MKLN1: variants seen among roughly 807,000 people sequenced by gnomAD.
MKLN1 encodes the protein muskelin 1.
MKLN1 carries 18 observed loss-of-function variants against 99.0 expected under a neutral mutation model. The ratio of observed to expected loss-of-function variants is 0.18; its 90% CI spans 0.13 to 0.27. The LOEUF is 0.27. MKLN1 is among the 10% of genes least tolerant of loss of function. The pLI is 1.00. For synonymous variants in MKLN1, 288 were observed against 293.2 expected (o/e 0.98, Z 0.18); for missense variants, 621 against 875.9 (o/e 0.71, Z 3.67).
At chr7:131,407,289 T>C (rs1398171051) in intron 6 of MKLN1, among the ~76,000 whole-genome samples, 1 of 152,068 alleles carries the variant, frequency 6.6e-6, no homozygotes, top group African/African-American at 2.4e-5. Context: ...ATATCTCTAA[T>C]CTGTACTCAT....
chr7:131,351,653 A>C (rs542418758), intron 1 of MKLN1, among the ~76,000 whole-genome samples: 2 of 151,978 alleles, frequency 1.3e-5, no homozygotes, highest in African/African-American at 4.8e-5. Flanking sequence ...TTTTAGAGTC[A>C]AGGTCTCATT....
chr7:131,466,138 G>A (rs1451567202), intron 14 of MKLN1, 138 bp from the exon 15 acceptor site: 1 of 552,180 alleles, frequency 1.8e-6, no homozygotes, highest in African/African-American at 1.9e-5. Flanking sequence ...ATCAAGAGAA[G>A]CTTTTGGTAA....
chr7:131,140,727 C>T (rs895486643), intron 1 of MKLN1, among the ~76,000 whole-genome samples: 1 of 152,032 alleles, frequency 6.6e-6, no homozygotes. Context: ...AATTACCCAG[C>T]TTCAGGCATT....
intron 16 of MKLN1, among the ~76,000 whole-genome samples, chr7:131,474,636 C>G (rs550464782): frequency 3.3e-5 from 5 of 151,978 alleles, no homozygotes; most frequent in Non-Finnish European, 7.4e-5. Context: ...AAATTCAACC[C>G]CAAATAAGTA....
intron 16 of MKLN1, among the ~76,000 whole-genome samples, chr7:131,475,197 A>G (rs906538446): frequency 5.3e-5 from 8 of 152,190 alleles, no homozygotes; most frequent in Admixed American, 1.3e-4. Context: ...TAGACCCTAC[A>G]TATATTAAAA....
intron 3 of MKLN1, among the ~76,000 whole-genome samples, chr7:131,258,680 C>T (rs1044302022): frequency 2.6e-5 from 4 of 152,174 alleles, no homozygotes; most frequent in African/African-American, 7.2e-5. Flanking sequence ...CATTTACATT[C>T]CCAGAGCTTT....
chr7:131,382,578 C>T (rs535995355), intron 2 of MKLN1, among the ~76,000 whole-genome samples: 43 of 152,134 alleles, frequency 2.8e-4, no homozygotes, highest in African/African-American at 9.4e-4. Flanking sequence ...AGTTCTTTAT[C>T]AGATTTATAT....
At chr7:131,385,151 T>C (rs137970439) in intron 2 of MKLN1, among the ~76,000 whole-genome samples, 207 of 152,314 alleles carry the variant, frequency 1.4e-3, no homozygotes, top group African/African-American at 4.3e-3. Context: ...TTTCACTTAG[T>C]ATGTTTTTGA....
In MKLN1 at chr7:131,192,873, A is replaced by G. The variant is rs140084305; in HGVS notation, c.-296-9984A>G. Among the ~76,000 whole-genome samples, 216 of 152,114 alleles carry G rather than the reference A, an allele frequency of 1.4e-3. 1 individual carries two copies. Among genetic ancestry groups the G allele is most frequent in the East Asian group, 0.01 (52 of 5,184 alleles). ...ATATTTTTAAAGCAACATTTGTCCTATGTTTTTTGTCTTCCATTCACTTGA... is the reference window on the plus strand; with the variant it reads ...ATATTTTTAAAGCAACATTTGTCCTGTGTTTTTTGTCTTCCATTCACTTGA... On this transcript the variant is annotated intron_variant, in intron 2 of 7. Transcript: ENST00000416992.
intron 17 of MKLN1, among the ~76,000 whole-genome samples, chr7:131,485,022 A>G (rs1344195756): frequency 6.6e-6 from 1 of 152,118 alleles, no homozygotes; most frequent in African/African-American, 2.4e-5. Flanking sequence ...CCTAGAAACA[A>G]TGACACCCTG....
In MKLN1 at chr7:131,262,911, T is replaced by A. The variant is rs142334852; in HGVS notation, c.-179+59937T>A. Among the ~76,000 whole-genome samples the A allele has an allele frequency of 1.2e-4, 18 of 152,304 alleles. No individual in the cohort carries two copies. The East Asian group carries it at 2.1e-3, about 18-fold the overall frequency. On this transcript the variant is annotated intron_variant, in intron 3 of 7. Transcript: ENST00000416992. ...TCCTTTCTCCACACTCACATACATTTTTTTTTCATGACATTGATGTCTTGA... is the reference window on the plus strand; with the variant it reads ...TCCTTTCTCCACACTCACATACATTATTTTTTCATGACATTGATGTCTTGA...
intron 3 of MKLN1, among the ~76,000 whole-genome samples, chr7:131,222,522 C>A (rs1242875236): frequency 6.6e-6 from 1 of 152,154 alleles, no homozygotes; most frequent in Non-Finnish European, 1.5e-5. Flanking sequence ...TTTTACAAAG[C>A]ATCTCCCCTA....
At chr7:131,439,352 T>G (rs1795761562) in intron 10 of MKLN1, among the ~76,000 whole-genome samples, 1 of 152,144 alleles carries the variant, frequency 6.6e-6, no homozygotes, top group Admixed American at 6.5e-5. Context: ...TTCTTGTGTG[T>G]GGCCTTTGTT....
intron 3 of MKLN1, among the ~76,000 whole-genome samples, chr7:131,258,388 A>G (rs1014177154): frequency 1.6e-5 from 1 of 62,178 alleles, no homozygotes; most frequent in Non-Finnish European, 4.4e-5. Context: ...GAAGTGTCCT[A>G]ACAGAGACAC....
At chr7:131,311,930 G>C (rs1798573342) in intron 3 of MKLN1, among the ~76,000 whole-genome samples, 1 of 151,800 alleles carries the variant, frequency 6.6e-6, no homozygotes. Flanking sequence ...TTTTGCATCA[G>C]TATATTATTA....
intron 2 of MKLN1, among the ~76,000 whole-genome samples, chr7:131,191,767 G>A (rs564639889): frequency 3.7e-4 from 54 of 147,048 alleles, no homozygotes; most frequent in Admixed American, 1.4e-3. Context: ...AGGCTGGAGT[G>A]CAGTGGTGCA....
chr7:131,346,947 G>A (rs1018314121), intron 1 of MKLN1, among the ~76,000 whole-genome samples: 1 of 152,220 alleles, frequency 6.6e-6, no homozygotes, highest in African/African-American at 2.4e-5. Flanking sequence ...AAATTGAAAT[G>A]GAGGCTAGCC....
chr7:131,147,067 A>C (rs999530415), intron 2 of MKLN1, among the ~76,000 whole-genome samples: 13 of 151,814 alleles, frequency 8.6e-5, no homozygotes, highest in African/African-American at 2.9e-4. Flanking sequence ...TATTATTATT[A>C]ATTTTTTTTG....
intron 1 of MKLN1, among the ~76,000 whole-genome samples, chr7:131,343,341 T>C (rs1200645628): frequency 2.6e-5 from 4 of 152,228 alleles, no homozygotes; most frequent in Non-Finnish European, 4.4e-5. Context: ...TCCTTGATCA[T>C]GTACTTCTTT....
Sources: allele counts gnomAD v4.1 joint callset (sites outside exome capture counted in the v4.1 genomes callset), GRCh38; gene constraint gnomAD v4.1.1; transcripts MANE v1.5; gene names NCBI Gene and HGNC (gene_info 2026-07-23, HGNC 2026-07-21).